NBEA: variants seen among roughly 807,000 people sequenced by gnomAD.
NBEA encodes the protein neurobeachin, also known as lysosomal-trafficking regulator 2.
Under a neutral mutation model 343.4 loss-of-function variants are expected in NBEA, and 44 were observed. That is an observed-to-expected ratio of 0.13 (90% CI 0.10 to 0.16). NBEA has a LOEUF of 0.16. Among genes scored for constraint, NBEA ranks in the 10% least tolerant of loss-of-function variants. The pLI, the probability that NBEA is intolerant of heterozygous loss-of-function variation, is 1.00. For missense variants in NBEA, 2,555 were observed against 3,631.3 expected, an observed-to-expected ratio of 0.70 and a Z score of 7.62; for synonymous variants, 1,175 against 1,238.7, an observed-to-expected ratio of 0.95 and a Z score of 1.08.
At chr13:35,275,431 G>T (rs1213014405) in intron 34 of NBEA, among the ~76,000 whole-genome samples, 1 of 152,112 alleles carries the variant, frequency 6.6e-6, no homozygotes, top group Non-Finnish European at 1.5e-5. Context: ...TACCATTCAG[G>T]ACATAGGCAT....
chr13:35,540,356 A>G (rs1367901067), intron 41 of NBEA, among the ~76,000 whole-genome samples: 3 of 152,188 alleles, frequency 2.0e-5, no homozygotes, highest in Non-Finnish European at 2.9e-5. Flanking sequence ...GAAAGTAAAT[A>G]CTGGAAACTA....
chr13:35,113,736 C>T lies in NBEA; in HGVS notation c.2002+2758C>T, dbSNP rs112883856. Among the ~76,000 whole-genome samples the T allele has an allele frequency of 8.7e-3, 1,330 of 152,256 alleles. 20 individuals are homozygous for T. The highest frequency in any genetic ancestry group is 0.03 in the African/African-American group (1,253 of 41,546). On this transcript the variant is annotated intron_variant, in intron 13 of 58. Transcript: ENST00000379939. Reference sequence around the variant, plus strand: ...AGGGCCAGATAGTGTTTTAGGCTTACGGAGCCATAAGGTCTCTGTTGCACA... The same window carrying T: ...AGGGCCAGATAGTGTTTTAGGCTTATGGAGCCATAAGGTCTCTGTTGCACA...
intron 41 of NBEA, among the ~76,000 whole-genome samples, chr13:35,484,531 C>T (rs945165156): frequency 6.6e-6 from 1 of 151,678 alleles, no homozygotes. Flanking sequence ...AATTTAGCCA[C>T]GGGCATCTGT....
chr13:35,610,117 G>T (rs1188111980), intron 48 of NBEA, among the ~76,000 whole-genome samples: 1 of 152,170 alleles, frequency 6.6e-6, no homozygotes, highest in Non-Finnish European at 1.5e-5. Context: ...CTTCCTCTCT[G>T]CTCATAGCTC....
intron 1 of NBEA, among the ~76,000 whole-genome samples, chr13:34,970,682 G>T (rs1344921200): frequency 6.6e-6 from 1 of 152,100 alleles, no homozygotes; most frequent in Admixed American, 6.6e-5. Flanking sequence ...TTGAAGATCA[G>T]ATAGTGGTAG....
intron 38 of NBEA, among the ~76,000 whole-genome samples, chr13:35,424,059 A>G (rs1407047615): frequency 5.3e-5 from 8 of 152,166 alleles, no homozygotes; most frequent in Admixed American, 3.3e-4. Flanking sequence ...GGCTGAGACC[A>G]TGGGGTTTTC....
chr13:35,055,128 T>C (rs2063206873), intron 6 of NBEA, among the ~76,000 whole-genome samples: 1 of 152,152 alleles, frequency 6.6e-6, no homozygotes, highest in African/African-American at 2.4e-5. Context: ...TTTTATATTT[T>C]GGTGGGAGGG....
intron 44 of NBEA, among the ~76,000 whole-genome samples, chr13:35,565,371 T>C (rs1180758997): frequency 6.6e-6 from 1 of 152,206 alleles, no homozygotes; most frequent in East Asian, 1.9e-4. Context: ...CTTACTCAGA[T>C]TGTAGTTCTT....
chr13:35,392,323 G>A (rs573434121), intron 38 of NBEA, among the ~76,000 whole-genome samples: 1 of 151,868 alleles, frequency 6.6e-6, no homozygotes, highest in South Asian at 2.1e-4. Context: ...TCAAGCACTT[G>A]GACCAAAAAG....
intron 10 of NBEA, among the ~76,000 whole-genome samples, chr13:35,072,261 G>A (rs1400207933): frequency 5.3e-5 from 8 of 152,086 alleles, no homozygotes; most frequent in South Asian, 2.1e-4. Context: ...GAAATAATAT[G>A]AAATACATAT....
At chr13:35,234,359 T>C (rs1419185499) in intron 34 of NBEA, among the ~76,000 whole-genome samples, 1 of 152,160 alleles carries the variant, frequency 6.6e-6, no homozygotes, top group Non-Finnish European at 1.5e-5. Flanking sequence ...AACTATTGCT[T>C]GGCCGCAGAT....
At chr13:35,227,018 A>C (rs1327135483) in intron 33 of NBEA, among the ~76,000 whole-genome samples, 1 of 152,174 alleles carries the variant, frequency 6.6e-6, no homozygotes, top group Non-Finnish European at 1.5e-5. Flanking sequence ...TTAGTCTTCT[A>C]TAGCTTTATC....
chr13:35,430,430 A>C (rs1430493465), intron 38 of NBEA, among the ~76,000 whole-genome samples: 1 of 152,202 alleles, frequency 6.6e-6, no homozygotes, highest in Non-Finnish European at 1.5e-5. Flanking sequence ...GCTGTGCAAA[A>C]GGAAGCTTTT....
At chr13:35,068,073 T>C (rs1054132721) in intron 8 of NBEA, among the ~76,000 whole-genome samples, 1 of 152,074 alleles carries the variant, frequency 6.6e-6, no homozygotes, top group African/African-American at 2.4e-5. Flanking sequence ...AGAAATAACC[T>C]AATACTGCAA....
At chr13:35,631,079 G>A (rs1437593911) in intron 49 of NBEA, among the ~76,000 whole-genome samples, 2 of 152,174 alleles carry the variant, frequency 1.3e-5, no homozygotes, top group East Asian at 1.9e-4. Context: ...AAGGACGAGA[G>A]CCCACCTGAA....
Position 35,628,145 on chromosome 13 carries a change from A to T in NBEA, c.7514A>T (p.Lys2505Met), listed in dbSNP as rs2083304783. ...HQWIDLIFGYKQRGPEAVRAL... is the reference protein window; with the variant it reads ...HQWIDLIFGYMQRGPEAVRAL... ...TGGATCGACCTTATATTTGGCTATA[A>T]GCAGCGAGGACCAGAAGCAGTTCGT... Residue 2505 changes from lysine to methionine, a missense_variant, in exon 49 of 59, where the codon AAG (lysine) becomes ATG (methionine). Coordinates refer to ENST00000379939, the MANE Select transcript of NBEA (RefSeq NM_001385012.1). The T allele has an allele frequency of 6.2e-7, 1 of 1,613,256 alleles. No homozygotes were observed. The highest frequency in any genetic ancestry group is 8.5e-7 in the Non-Finnish European group (1 of 1,179,614).
chr13:35,215,610 A>G (rs999394895), intron 33 of NBEA, among the ~76,000 whole-genome samples: 2 of 151,762 alleles, frequency 1.3e-5, no homozygotes, highest in African/African-American at 2.4e-5. Flanking sequence ...ATTGATTTTT[A>G]TATATTGATT....
At chr13:34,974,939 A>G (rs1270563852) in intron 1 of NBEA, among the ~76,000 whole-genome samples, 1 of 152,172 alleles carries the variant, frequency 6.6e-6, no homozygotes. Flanking sequence ...AGGAGAAAAA[A>G]TAGAACACTA....
chr13:35,153,375 T>C (rs1042876655), intron 18 of NBEA, among the ~76,000 whole-genome samples: 1 of 152,134 alleles, frequency 6.6e-6, no homozygotes, highest in Admixed American at 6.5e-5. Context: ...TGTTACTTTA[T>C]TGGGGCATGC....
Sources: allele counts gnomAD v4.1 joint callset (sites outside exome capture counted in the v4.1 genomes callset), GRCh38; gene constraint gnomAD v4.1.1; transcripts MANE v1.5; gene names NCBI Gene and HGNC (gene_info 2026-07-23, HGNC 2026-07-21).